The following CHN2 variants were observed in gnomAD, a reference collection of about 807,000 sequenced individuals.
CHN2 encodes chimerin 2.
Under a neutral mutation model 56.3 loss-of-function variants are expected in CHN2, and 35 were observed. That is an observed-to-expected ratio of 0.62 (90% CI 0.47 to 0.82). The LOEUF is 0.82. Among genes scored for constraint, CHN2 ranks in the 40% least tolerant of loss-of-function variants. The probability of loss-of-function intolerance (pLI) is 0.00; values close to 1 mark genes in which losing one functional copy is unlikely to be tolerated. For synonymous variants in CHN2, 210 were observed against 212.8 expected (o/e 0.99, Z 0.12); for missense variants, 491 against 580.5 (o/e 0.85, Z 1.58).
chr7:29,294,932 T>A (rs1389275360), intron 1 of CHN2, among the ~76,000 whole-genome samples: 2 of 152,184 alleles, frequency 1.3e-5, no homozygotes, highest in African/African-American at 2.4e-5. Flanking sequence ...CTATGCTCTT[T>A]AGAACAAGCA....
At chr7:29,380,256 A>AC (rs1800389839) in intron 3 of CHN2, among the ~76,000 whole-genome samples, 1 of 150,344 alleles carries the variant, frequency 6.7e-6, no homozygotes, top group South Asian at 2.1e-4. Flanking sequence ...GGGCAATATC[A>AC]CCCCTAAAGT....
intron 9 of CHN2, 48 bp from the exon 10 acceptor site, chr7:29,504,696 T>C (rs1429648455): frequency 8.1e-7 from 1 of 1,237,106 alleles, no homozygotes; most frequent in Non-Finnish European, 1.2e-6. Context: ...TTTTTTTTTT[T>C]AGATGTTTCA....
chr7:29,383,262 C>CAGG (rs1258537948), intron 3 of CHN2, among the ~76,000 whole-genome samples: 1 of 151,898 alleles, frequency 6.6e-6, no homozygotes, highest in Non-Finnish European at 1.5e-5. Flanking sequence ...GTGTGTGTTG[C>CAGG]AGGTGGTGTA....
chr7:29,150,816 A>C (rs1473661793), intron 2 of CHN2, among the ~76,000 whole-genome samples: 5 of 152,342 alleles, frequency 3.3e-5, no homozygotes, highest in Non-Finnish European at 7.3e-5. Context: ...CTGGAAACAC[A>C]GCTCAGAGGC....
intron 1 of CHN2, among the ~76,000 whole-genome samples, chr7:29,261,835 C>T (rs1789580250): frequency 6.6e-6 from 1 of 152,318 alleles, no homozygotes; most frequent in Non-Finnish European, 1.5e-5. Context: ...TATCGTTATA[C>T]ACAAACCTTT....
chr7:29,410,243 C>T (rs1803074423), intron 6 of CHN2, among the ~76,000 whole-genome samples: 2 of 152,176 alleles, frequency 1.3e-5, no homozygotes, highest in African/African-American at 2.4e-5. Flanking sequence ...TGGGCTTAAT[C>T]GTAGGAACAG....
At chr7:29,150,579 A>G (rs1324178937) in intron 2 of CHN2, among the ~76,000 whole-genome samples, 2 of 152,234 alleles carry the variant, frequency 1.3e-5, no homozygotes, top group African/African-American at 4.8e-5. Context: ...TTGATCAGGT[A>G]AATACAATTC....
At chr7:29,386,699 T>C (rs1013452461) in intron 3 of CHN2, among the ~76,000 whole-genome samples, 2 of 152,198 alleles carry the variant, frequency 1.3e-5, no homozygotes. Flanking sequence ...GAAGTCTTCC[T>C]TAAAATTGAA....
At chr7:29,440,829 T>A (rs1783594225) in intron 6 of CHN2, among the ~76,000 whole-genome samples, 1 of 152,190 alleles carries the variant, frequency 6.6e-6, no homozygotes, top group South Asian at 2.1e-4. Context: ...CCCATACATC[T>A]GTGGCCAATT....
At chr7:29,407,305 A>T (rs118152194) in intron 6 of CHN2, among the ~76,000 whole-genome samples, 2,158 of 151,810 alleles carry the variant, frequency 0.014, 12 homozygotes, top group Non-Finnish European at 0.023. Flanking sequence ...TTTGGATGGG[A>T]TCCACAACTG....
intron 9 of CHN2, among the ~76,000 whole-genome samples, chr7:29,504,070 G>T (rs1270049160): frequency 6.6e-6 from 1 of 152,134 alleles, no homozygotes; most frequent in Non-Finnish European, 1.5e-5. Context: ...TTGTCTAAAA[G>T]TATAACAAGT....
At chr7:29,457,051 T>C (rs943942058) in intron 6 of CHN2, among the ~76,000 whole-genome samples, 2 of 152,180 alleles carry the variant, frequency 1.3e-5, no homozygotes, top group Admixed American at 6.5e-5. Flanking sequence ...ATGCACCTCC[T>C]GAATATTTTT....
chr7:29,334,105 G>A (rs1796436055), intron 1 of CHN2, among the ~76,000 whole-genome samples: 1 of 143,440 alleles, frequency 7.0e-6, no homozygotes, highest in Non-Finnish European at 1.5e-5. Context: ...AGGCTGGAGT[G>A]CAGTGGCGCG....
intron 6 of CHN2, among the ~76,000 whole-genome samples, chr7:29,444,396 A>G (rs1783887265): frequency 6.6e-6 from 1 of 152,086 alleles, no homozygotes; most frequent in South Asian, 2.1e-4. Flanking sequence ...TCTGTTCCAC[A>G]TGGTTTTGTC....
chr7:29,147,776 G>A (rs1792962729), intron 2 of CHN2, among the ~76,000 whole-genome samples: 1 of 152,178 alleles, frequency 6.6e-6, no homozygotes, highest in South Asian at 2.1e-4. Flanking sequence ...TACAAACAGA[G>A]ATCTGTAGGC....
intron 2 of CHN2, among the ~76,000 whole-genome samples, chr7:29,177,572 T>A (rs1040839992): frequency 4.6e-5 from 7 of 151,488 alleles, no homozygotes; most frequent in South Asian, 2.1e-4. Context: ...TTTTTTTTTT[T>A]AATTTACTGG....
intron 9 of CHN2, 54 bp downstream of exon 9, chr7:29,500,094 G>A: frequency 1.5e-6 from 2 of 1,340,122 alleles, no homozygotes; most frequent in South Asian, 1.8e-5. Flanking sequence ...TTTATTGTTT[G>A]TTTTTACTGT....
chr7:29,299,171 C>T (rs1793442179), intron 1 of CHN2, among the ~76,000 whole-genome samples: 1 of 152,200 alleles, frequency 6.6e-6, no homozygotes, highest in Admixed American at 6.5e-5. Context: ...GACCAAACAT[C>T]CTATGGTTCC....
intron 1 of CHN2, among the ~76,000 whole-genome samples, chr7:29,232,767 G>C (rs1786822370): frequency 6.6e-6 from 1 of 152,084 alleles, no homozygotes; most frequent in Admixed American, 6.6e-5. Context: ...TGAATGCAGG[G>C]TACCATTAAA....
Sources: allele counts gnomAD v4.1 joint callset (sites outside exome capture counted in the v4.1 genomes callset), GRCh38; gene constraint gnomAD v4.1.1; transcripts MANE v1.5; gene names NCBI Gene and HGNC (gene_info 2026-07-23, HGNC 2026-07-21).